Variants in SAMMSON observed in about 807,000 individuals in gnomAD.
SAMMSON encodes the protein long intergenic non-protein coding RNA 1212.
intron 4 of SAMMSON, among the ~76,000 whole-genome samples, chr3:70,103,994 C>CT (rs11357634): frequency 2.7e-3 from 370 of 138,704 alleles, no homozygotes; most frequent in African/African-American, 6.3e-3. Context: ...TTCATTTAAG[C>CT]TTTTTTTTTT....
At chr3:70,421,198 T>A (rs531555994) in intron 2 of SAMMSON, among the ~76,000 whole-genome samples, 2 of 152,260 alleles carry the variant, frequency 1.3e-5, no homozygotes, top group African/African-American at 4.8e-5. Flanking sequence ...GTGTCTTTTT[T>A]ATGCTAGCTA....
chr3:70,270,696 C>T (rs369200591), intron 6 of SAMMSON, among the ~76,000 whole-genome samples: 2 of 152,112 alleles, frequency 1.3e-5, no homozygotes, highest in Non-Finnish European at 2.9e-5. Context: ...CCATGGAATA[C>T]TATGCAGCCA....
chr3:70,237,760 A>G (rs991517402), intron 4 of SAMMSON, among the ~76,000 whole-genome samples: 2 of 152,184 alleles, frequency 1.3e-5, no homozygotes, highest in African/African-American at 4.8e-5. Context: ...AATAATGTGC[A>G]TGTGTTATGA....
chr3:70,336,377 T>G (rs1199027202), intron 7 of SAMMSON, among the ~76,000 whole-genome samples: 4 of 152,040 alleles, frequency 2.6e-5, no homozygotes, highest in Non-Finnish European at 5.9e-5. Flanking sequence ...TACTGGTGAT[T>G]GTAGGACAAG....
intron 9 of SAMMSON, among the ~76,000 whole-genome samples, chr3:70,366,410 C>A (rs1278026930): frequency 6.7e-6 from 1 of 150,050 alleles, no homozygotes; most frequent in Non-Finnish European, 1.5e-5. Context: ...AGCCTTTTTG[C>A]GTTGGCTTCA....
chr3:70,347,712 C>T (rs1702762117), intron 7 of SAMMSON, among the ~76,000 whole-genome samples: 1 of 152,136 alleles, frequency 6.6e-6, no homozygotes, highest in Non-Finnish European at 1.5e-5. Flanking sequence ...TGTGTGGAAA[C>T]AGACAGCAAG....
intron 6 of SAMMSON, among the ~76,000 whole-genome samples, chr3:70,267,835 A>G (rs1273738594): frequency 1.3e-5 from 2 of 152,172 alleles, no homozygotes; most frequent in African/African-American, 4.8e-5. Context: ...ATGGAAATTT[A>G]ATATGATTAC....
chr3:70,188,425 G>T (rs1194242184), intron 4 of SAMMSON, among the ~76,000 whole-genome samples: 1 of 152,172 alleles, frequency 6.6e-6, no homozygotes, highest in African/African-American at 2.4e-5. Context: ...CCTACTACAG[G>T]AGGTATTATG....
intron 9 of SAMMSON, among the ~76,000 whole-genome samples, chr3:70,359,875 C>G (rs183689415): frequency 7.9e-5 from 12 of 152,166 alleles, no homozygotes; most frequent in African/African-American, 2.9e-4. Flanking sequence ...TTGTAAGGCT[C>G]TCTGGAGTTA....
At chr3:70,318,531 A>G (rs1702511808) in intron 7 of SAMMSON, among the ~76,000 whole-genome samples, 1 of 151,782 alleles carries the variant, frequency 6.6e-6, no homozygotes, top group Admixed American at 6.6e-5. Flanking sequence ...TATCTCCCAT[A>G]CATGATCACT....
intron 6 of SAMMSON, among the ~76,000 whole-genome samples, chr3:70,284,438 T>C (rs1191346700): frequency 1.3e-5 from 2 of 152,094 alleles, no homozygotes; most frequent in Non-Finnish European, 2.9e-5. Flanking sequence ...CCTCTCACTT[T>C]GAAGAATGAC....
At chr3:70,198,400 AT>A (rs1156320063) in intron 4 of SAMMSON, among the ~76,000 whole-genome samples, 1 of 152,040 alleles carries the variant, frequency 6.6e-6, no homozygotes, top group African/African-American at 2.4e-5. Flanking sequence ...ATTTACTTTT[AT>A]TTTCCAGAAA....
intron 7 of SAMMSON, among the ~76,000 whole-genome samples, chr3:70,321,585 G>A (rs372193029): frequency 4.0e-5 from 6 of 151,632 alleles, no homozygotes; most frequent in Non-Finnish European, 8.8e-5. Flanking sequence ...TATGGTTTTC[G>A]TATTTTCAAA....
intron 4 of SAMMSON, among the ~76,000 whole-genome samples, chr3:70,201,895 T>A (rs1035708913): frequency 2.0e-5 from 3 of 152,216 alleles, no homozygotes; most frequent in African/African-American, 7.2e-5. Flanking sequence ...AACTGGAACC[T>A]GCAAGATGGG....
chr3:70,145,699 A>G (rs1174351582), intron 4 of SAMMSON, among the ~76,000 whole-genome samples: 1 of 152,092 alleles, frequency 6.6e-6, no homozygotes, highest in East Asian at 1.9e-4. Flanking sequence ...TAGCTAAAAC[A>G]GTACTTAAAT....
At chr3:70,103,226 C>A (rs149274115) in intron 4 of SAMMSON, among the ~76,000 whole-genome samples, 8 of 152,234 alleles carry the variant, frequency 5.3e-5, no homozygotes, top group African/African-American at 1.7e-4. Flanking sequence ...TGTATGAAAT[C>A]TCTTGATTTA....
intron 3 of SAMMSON, among the ~76,000 whole-genome samples, chr3:70,019,077 T>C (rs2066999383): frequency 6.6e-6 from 1 of 152,042 alleles, no homozygotes; most frequent in Non-Finnish European, 1.5e-5. Context: ...GGGTGGAGAG[T>C]TCTGTAGATG....
At chr3:70,328,291 C>G (rs7619525) in intron 7 of SAMMSON, among the ~76,000 whole-genome samples, 113,636 of 152,018 alleles carry the variant, frequency 0.75, 42,765 homozygotes, top group Middle Eastern at 0.79. Context: ...AAAATTACCA[C>G]GTACCCAAAG....
chr3:70,286,584 A>C (rs1025487028), intron 6 of SAMMSON, among the ~76,000 whole-genome samples: 11 of 151,824 alleles, frequency 7.2e-5, no homozygotes, highest in Non-Finnish European at 1.3e-4. Flanking sequence ...AGTTTTTTCC[A>C]ATTCTGTGAA....
Sources: gnomAD v4.1 joint callset for allele counts (sites outside exome capture counted in the v4.1 genomes callset) on GRCh38, gnomAD v4.1.1 for gene constraint, MANE v1.5 for transcripts, NCBI Gene and HGNC (gene_info 2026-07-23, HGNC 2026-07-21) for gene names.